CADM1: variants seen among roughly 807,000 people sequenced by gnomAD.
CADM1 encodes TSLC-1.
Under a neutral mutation model 53.1 loss-of-function variants are expected in CADM1, and 15 were observed. The ratio of observed to expected loss-of-function variants is 0.28; its 90% CI spans 0.19 to 0.44. The LOEUF (loss-of-function observed/expected upper bound fraction) is 0.44, where lower values mean the gene tolerates loss of function less well. CADM1 is among the 20% of genes least tolerant of loss of function. The pLI is 1.00. For synonymous variants in CADM1, 281 were observed against 243.0 expected, an observed-to-expected ratio of 1.16 and a Z score of -1.45; for missense variants, 434 against 611.3, an observed-to-expected ratio of 0.71 and a Z score of 3.06.
At chr11:115,314,352 T>C (rs111375239) in intron 1 of CADM1, among the ~76,000 whole-genome samples, 132 of 152,274 alleles carry the variant, frequency 8.7e-4, no homozygotes, top group Middle Eastern at 3.4e-3. Context: ...TGCCTTTTCT[T>C]CTCATCCCCA....
At chr11:115,348,650 CTA>C (rs1404807763) in intron 1 of CADM1, among the ~76,000 whole-genome samples, 7 of 152,258 alleles carry the variant, frequency 4.6e-5, no homozygotes, top group African/African-American at 1.4e-4. Flanking sequence ...CTCTTGTCTG[CTA>C]TGTTTTCCCC....
At chr11:115,430,945 G>A (rs189129149) in intron 1 of CADM1, among the ~76,000 whole-genome samples, 2 of 152,240 alleles carry the variant, frequency 1.3e-5, no homozygotes, top group African/African-American at 4.8e-5. Flanking sequence ...GTTTGTTTCC[G>A]ATATTGTCTT....
At chr11:115,328,857 G>C (rs1945057143) in intron 1 of CADM1, among the ~76,000 whole-genome samples, 2 of 142,118 alleles carry the variant, frequency 1.4e-5, no homozygotes, top group Non-Finnish European at 3.1e-5. Context: ...GTACATGAGA[G>C]ACAAGGAAAG....
rs71066411 is a variant in CADM1 at position 115,259,290 on chromosome 11, C to CTTT, written c.125-18873_125-18871dup. Among the ~76,000 whole-genome samples the CTTT allele has an allele frequency of 7.5e-3, 416 of 55,100 alleles. 50 individuals are homozygous for CTTT. Among genetic ancestry groups the CTTT allele is most frequent in the East Asian group, 0.016 (23 of 1,430 alleles). 36.1% of individuals were successfully genotyped at this position (55,100 alleles called of 152,430 possible). A position where few individuals can be genotyped will look rare whatever the true frequency, so the allele number is the denominator to read the frequency against. ...CGTGCGCCACCGCACCCAGTCTTAA[C>CTTT]TTTTTTTTTTTTTTTTTTTTTTTTT... On this transcript the variant is annotated intron_variant, in intron 1 of 11. Coordinates refer to ENST00000331581, the MANE Select transcript of CADM1 (RefSeq NM_001301043.2).
chr11:115,248,859 T>C (rs1942498357), intron 1 of CADM1, among the ~76,000 whole-genome samples: 1 of 152,162 alleles, frequency 6.6e-6, no homozygotes, highest in Non-Finnish European at 1.5e-5. Context: ...GGCATTGAAA[T>C]CACCTTGTGG....
At position 115,172,140 on chromosome 11, in the gene CADM1, G is replaced by A. The variant is rs1458155290; in HGVS notation, c.*4334C>T. 2 of 152,308 alleles carry A rather than the reference G, an allele frequency of 1.3e-5. No individual in the cohort carries two copies. Among genetic ancestry groups the A allele is most frequent in the African/African-American group, 4.8e-5 (2 of 41,466 alleles). 9.4% of individuals were successfully genotyped at this position (152,308 alleles called of 1,614,324 possible). On this transcript the variant is annotated 3_prime_UTR_variant, in exon 12 of 12. Coordinates refer to ENST00000331581, the MANE Select transcript of CADM1 (RefSeq NM_001301043.2). Reference sequence around the variant, plus strand: ...GCCAGGTAGGCTGGGCTACTCACCCGAGGTTTCACTGCTACATGGTGGGAC... The same window carrying A: ...GCCAGGTAGGCTGGGCTACTCACCCAAGGTTTCACTGCTACATGGTGGGAC...
chr11:115,198,151 C>A (rs979462346), intron 9 of CADM1, among the ~76,000 whole-genome samples: 4 of 152,172 alleles, frequency 2.6e-5, no homozygotes, highest in Non-Finnish European at 4.4e-5. Context: ...GGACTCTGTG[C>A]CACTGAAACT....
chr11:115,410,168 T>C (rs1476187692), intron 1 of CADM1, among the ~76,000 whole-genome samples: 1 of 152,252 alleles, frequency 6.6e-6, no homozygotes, highest in African/African-American at 2.4e-5. Flanking sequence ...TCAAATCAAC[T>C]ATGACCTGAA....
intron 1 of CADM1, among the ~76,000 whole-genome samples, chr11:115,404,342 AAAAAAT>A (rs1277499122): frequency 2.4e-5 from 1 of 41,520 alleles, no homozygotes; most frequent in African/African-American, 8.0e-5. Context: ...AAAAAAAAAA[AAAAAAT>A]ATATATATAT....
intron 1 of CADM1, among the ~76,000 whole-genome samples, chr11:115,364,037 C>G (rs1565388097): frequency 6.6e-6 from 1 of 151,964 alleles, no homozygotes; most frequent in African/African-American, 2.4e-5. Flanking sequence ...ATTAAATCCA[C>G]TCTATGATCC....
intron 1 of CADM1, among the ~76,000 whole-genome samples, chr11:115,372,895 A>G (rs1472799914): frequency 6.6e-6 from 1 of 152,230 alleles, no homozygotes; most frequent in Non-Finnish European, 1.5e-5. Context: ...GATCTGCAGA[A>G]GTATTCAAGA....
intron 1 of CADM1, among the ~76,000 whole-genome samples, chr11:115,273,318 T>A (rs1474227740): frequency 6.6e-6 from 1 of 152,192 alleles, no homozygotes; most frequent in East Asian, 1.9e-4. Flanking sequence ...GGTGGTTTAT[T>A]TTTTTTCCAT....
chr11:115,223,378 C>T (rs575947062), intron 5 of CADM1, among the ~76,000 whole-genome samples: 3 of 152,242 alleles, frequency 2.0e-5, no homozygotes, highest in Middle Eastern at 6.8e-3. Context: ...TTTTAGATGC[C>T]AGCTTCACAA....
At chr11:115,426,093 AG>A (rs1394609432) in intron 1 of CADM1, among the ~76,000 whole-genome samples, 1 of 152,220 alleles carries the variant, frequency 6.6e-6, no homozygotes, top group African/African-American at 2.4e-5. Context: ...CCTGCAGGAA[AG>A]GCAGCAGACA....
chr11:115,336,386 C>T (rs972924257), intron 1 of CADM1, among the ~76,000 whole-genome samples: 2 of 152,150 alleles, frequency 1.3e-5, no homozygotes, highest in Admixed American at 1.3e-4. Context: ...CCATGGACTG[C>T]ACTTTGCGAA....
chr11:115,191,227 AAATC>A lies in CADM1; in HGVS notation c.1112-290_1112-287del, dbSNP rs1939841327. 2.6e-5 allele frequency among the ~76,000 whole-genome samples: 4 copies of A among 152,352 alleles called. No homozygotes were observed. In the South Asian group the frequency reaches 8.3e-4, roughly 32 times the overall value. On this transcript the variant is annotated intron_variant, in intron 9 of 11. Transcript: ENST00000331581. ...TCATTCGTAACAGCATGCAAAAAGA[AAATC>A]AATAAAGCCTGATTGTTAGCTGTCG...
chr11:115,325,050 G>A (rs954561656), intron 1 of CADM1, among the ~76,000 whole-genome samples: 1 of 152,152 alleles, frequency 6.6e-6, no homozygotes, highest in South Asian at 2.1e-4. Flanking sequence ...TGGAAGGTTC[G>A]TTAGAGCATC....
At chr11:115,202,359 C>T (rs543261860) in intron 8 of CADM1, among the ~76,000 whole-genome samples, 6 of 152,138 alleles carry the variant, frequency 3.9e-5, no homozygotes, top group African/African-American at 1.4e-4. Context: ...ATAAATTGGT[C>T]CATGTTCTCA....
chr11:115,410,217 T>C (rs1460866904), intron 1 of CADM1, among the ~76,000 whole-genome samples: 1 of 152,218 alleles, frequency 6.6e-6, no homozygotes, highest in African/African-American at 2.4e-5. Context: ...TAAGTGTGTC[T>C]TCTATTACCC....
Sources: gnomAD v4.1 joint callset for allele counts (sites outside exome capture counted in the v4.1 genomes callset) on GRCh38, gnomAD v4.1.1 for gene constraint, MANE v1.5 for transcripts, NCBI Gene and HGNC (gene_info 2026-07-23, HGNC 2026-07-21) for gene names.